The following NRBF2 variants were observed in gnomAD, a reference collection of about 807,000 sequenced individuals.
NRBF2 encodes the protein nuclear receptor-binding factor 2.
Under a neutral mutation model 28.5 loss-of-function variants are expected in NRBF2, and 12 were observed. The ratio of observed to expected loss-of-function variants is 0.42; its 90% CI spans 0.27 to 0.68. NRBF2 has a LOEUF of 0.68. NRBF2 is among the 30% of genes least tolerant of loss of function. The pLI, the probability that NRBF2 is intolerant of heterozygous loss-of-function variation, is 0.24. For synonymous variants in NRBF2, 102 were observed against 116.5 expected (o/e 0.88, Z 0.80); for missense variants, 274 against 333.5 (o/e 0.82, Z 1.39).
chr10:63,143,824 G>T (rs2132685658), intron 1 of NRBF2, among the ~76,000 whole-genome samples: 1 of 149,368 alleles, frequency 6.7e-6, no homozygotes, highest in Non-Finnish European at 1.5e-5. Context: ...GCGATCACAG[G>T]TCACTGCAGC....
At chr10:63,149,261 C>T (rs1841609619) in intron 2 of NRBF2, among the ~76,000 whole-genome samples, 1 of 152,190 alleles carries the variant, frequency 6.6e-6, no homozygotes, top group Non-Finnish European at 1.5e-5. Context: ...GGACTACAGG[C>T]ATGCGCCATC....
chr10:63,134,796 A>G (rs1225784886), intron 1 of NRBF2, among the ~76,000 whole-genome samples: 1 of 152,200 alleles, frequency 6.6e-6, no homozygotes, highest in African/African-American at 2.4e-5. Flanking sequence ...TGCCAGGTTA[A>G]CTGTTGTGAG....
At chr10:63,146,145 C>A in intron 1 of NRBF2, 64 bp from the exon 2 acceptor site, 2 of 1,316,060 alleles carry the variant, frequency 1.5e-6, no homozygotes, top group Non-Finnish European at 1.1e-6. Context: ...AAGGTAGTTG[C>A]TTTTTGAAAG....
intron 2 of NRBF2, among the ~76,000 whole-genome samples, chr10:63,147,646 G>A (rs187836850): frequency 9.1e-4 from 131 of 143,228 alleles, no homozygotes; most frequent in African/African-American, 3.3e-3. Context: ...TGGGGTACAT[G>A]TGTAGAATGT....
At chr10:63,135,094 G>T (rs768287885) in intron 1 of NRBF2, among the ~76,000 whole-genome samples, 1 of 152,224 alleles carries the variant, frequency 6.6e-6, no homozygotes, top group African/African-American at 2.4e-5. Flanking sequence ...GGCTGAGGTG[G>T]CAGGATCGCT....
intron 1 of NRBF2, among the ~76,000 whole-genome samples, chr10:63,141,392 C>T (rs1160140905): frequency 2.0e-5 from 3 of 152,144 alleles, no homozygotes; most frequent in East Asian, 1.9e-4. Context: ...GCTATGATTG[C>T]ACCACTCCAC....
intron 2 of NRBF2, among the ~76,000 whole-genome samples, chr10:63,146,938 T>C (rs1196633821): frequency 6.6e-6 from 1 of 152,182 alleles, no homozygotes; most frequent in Non-Finnish European, 1.5e-5. Context: ...AAATAGATCT[T>C]GGGGGCCTGT....
intron 1 of NRBF2, among the ~76,000 whole-genome samples, chr10:63,141,216 T>C (rs541797781): frequency 1.3e-5 from 2 of 152,180 alleles, no homozygotes; most frequent in East Asian, 1.9e-4. Flanking sequence ...GGGAGGAAGA[T>C]TGCTTGAGCC....
intron 1 of NRBF2, among the ~76,000 whole-genome samples, chr10:63,144,276 C>G (rs916585070): frequency 6.6e-6 from 1 of 152,096 alleles, no homozygotes; most frequent in Non-Finnish European, 1.5e-5. Context: ...ATTCAACTTT[C>G]CTGTTTTTAA....
chr10:63,136,698 C>T (rs1841384476), intron 1 of NRBF2, among the ~76,000 whole-genome samples: 1 of 152,182 alleles, frequency 6.6e-6, no homozygotes, highest in Non-Finnish European at 1.5e-5. Flanking sequence ...AGCAATGCTG[C>T]CATATTGTAC....
At position 63,154,235 on chromosome 10, in the gene NRBF2, A is replaced by G. The variant is rs750639190; in HGVS notation, c.*17A>G. ...AATAATTAAAATGGAAGGCCACAGA[A>G]AAGGGGAAAAGAGGAAATAATACAG... On this transcript the variant is annotated 3_prime_UTR_variant, in exon 4 of 4. Transcript: ENST00000277746. 1 of 1,440,764 alleles carries G rather than the reference A, an allele frequency of 6.9e-7. No individual in the cohort carries two copies. Among genetic ancestry groups the G allele is most frequent in the Non-Finnish European group, 9.6e-7 (1 of 1,046,218 alleles). 89.2% of individuals were successfully genotyped at this position (1,440,764 alleles called of 1,614,324 possible). A position where few individuals can be genotyped will look rare whatever the true frequency, so the allele number is the denominator to read the frequency against.
At chr10:63,134,302 G>GC (rs1564527777) in intron 1 of NRBF2, among the ~76,000 whole-genome samples, 1 of 152,148 alleles carries the variant, frequency 6.6e-6, no homozygotes, top group Non-Finnish European at 1.5e-5. Flanking sequence ...ACTGGCCATT[G>GC]CATCTTTTAG....
At chr10:63,135,606 A>C (rs994013778) in intron 1 of NRBF2, among the ~76,000 whole-genome samples, 1 of 152,008 alleles carries the variant, frequency 6.6e-6, no homozygotes, top group Non-Finnish European at 1.5e-5. Flanking sequence ...TCAGCCATAA[A>C]ATTTATGTAG....
intron 1 of NRBF2, among the ~76,000 whole-genome samples, chr10:63,141,780 CTA>C (rs1430952107): frequency 5.3e-5 from 8 of 152,180 alleles, no homozygotes; most frequent in African/African-American, 1.9e-4. Flanking sequence ...CAGTCGAGCT[CTA>C]TAACGAGTTT....
chr10:63,142,021 G>A (rs1054051887), intron 1 of NRBF2, among the ~76,000 whole-genome samples: 1 of 144,090 alleles, frequency 6.9e-6, no homozygotes, highest in Non-Finnish European at 1.6e-5. Context: ...CTCACTGTTT[G>A]AGAACTTTTT....
chr10:63,148,572 G>C (rs1841599229), intron 2 of NRBF2, among the ~76,000 whole-genome samples: 1 of 152,250 alleles, frequency 6.6e-6, no homozygotes, highest in Non-Finnish European at 1.5e-5. Context: ...AGGGCAAACA[G>C]AGGGGACCTG....
intron 1 of NRBF2, among the ~76,000 whole-genome samples, chr10:63,138,850 T>C (rs1319183209): frequency 6.6e-6 from 1 of 152,224 alleles, no homozygotes; most frequent in Non-Finnish European, 1.5e-5. Context: ...TGATTTGAGA[T>C]AACTGTTTGC....
Position 63,154,600 on chromosome 10 carries a change from A to C in NRBF2, c.*382A>C, listed in dbSNP as rs551318144. 1 of 165,614 alleles carries C rather than the reference A, an allele frequency of 6.0e-6. No individual in the cohort carries two copies. Among genetic ancestry groups the C allele is most frequent in the South Asian group, 1.7e-4 (1 of 5,848 alleles). 10.3% of individuals were successfully genotyped at this position (165,614 alleles called of 1,614,324 possible). A position where few individuals can be genotyped will look rare whatever the true frequency, so the allele number is the denominator to read the frequency against. On this transcript the variant is annotated 3_prime_UTR_variant, in exon 4 of 4. Coordinates refer to ENST00000277746, the MANE Select transcript of NRBF2 (RefSeq NM_030759.5). ...TGCCATAAATGATAATGCAAAACCT[A>C]AATAATATGGTGGCCGGAGGGGCTG...
chr10:63,152,509 T>TC (rs1453538860), intron 3 of NRBF2, among the ~76,000 whole-genome samples: 1 of 152,200 alleles, frequency 6.6e-6, no homozygotes, highest in Non-Finnish European at 1.5e-5. Context: ...TAGCTTACAG[T>TC]CAGTAAACAG....
Sources: gnomAD v4.1 joint callset for allele counts (sites outside exome capture counted in the v4.1 genomes callset) on GRCh38, gnomAD v4.1.1 for gene constraint, MANE v1.5 for transcripts, NCBI Gene and HGNC (gene_info 2026-07-23, HGNC 2026-07-21) for gene names.